The following FOLR2 variants were observed in gnomAD, a reference collection of about 807,000 sequenced individuals.
FOLR2 encodes the protein folate receptor 2 (fetal).
A neutral mutation model predicts 20.4 loss-of-function variants in FOLR2; 14 were observed. The ratio of observed to expected loss-of-function variants is 0.68; its 90% CI spans 0.45 to 1.07. The LOEUF (loss-of-function observed/expected upper bound fraction) is 1.07, where lower values mean the gene tolerates loss of function less well. Among genes scored for constraint, FOLR2 ranks in the 50% least tolerant of loss-of-function variants. The probability of loss-of-function intolerance (pLI) is 0.00; values close to 1 mark genes in which losing one functional copy is unlikely to be tolerated. For synonymous variants in FOLR2, 114 were observed against 114.3 expected, an observed-to-expected ratio of 1.00 and a Z score of 0.02; for missense variants, 269 against 322.6, an observed-to-expected ratio of 0.83 and a Z score of 1.27.
At chr11:72,220,833 A>T in intron 2 of FOLR2, 37 bp from the exon 3 acceptor site, 1 of 1,612,594 alleles carries the variant, frequency 6.2e-7, no homozygotes, top group Non-Finnish European at 8.5e-7. Flanking sequence ...GGAGGAGGGT[A>T]TGGGGAGGCA....
At chr11:72,221,431 G>T (rs1948491445) in intron 4 of FOLR2, 39 bp from the exon 5 acceptor site, 1 of 1,602,174 alleles carries the variant, frequency 6.2e-7, no homozygotes, top group Non-Finnish European at 8.5e-7. Flanking sequence ...TTTGGGCCCA[G>T]GGGCTGAAAG....
chr11:72,217,935 G>A (rs1276713215), intron 1 of FOLR2, among the ~76,000 whole-genome samples: 2 of 152,160 alleles, frequency 1.3e-5, no homozygotes, highest in Non-Finnish European at 2.9e-5. Flanking sequence ...AGCTGAGGAG[G>A]CTGGAAAGGA....
chr11:72,220,547 A>G (rs949811666), intron 2 of FOLR2, among the ~76,000 whole-genome samples: 4 of 152,244 alleles, frequency 2.6e-5, no homozygotes, highest in African/African-American at 9.6e-5. Context: ...ACTGGCATAA[A>G]GTAGGTGCTC....
chr11:72,219,852 T>C (rs1021381923), intron 2 of FOLR2, among the ~76,000 whole-genome samples: 1 of 151,030 alleles, frequency 6.6e-6, no homozygotes, highest in Non-Finnish European at 1.5e-5. Flanking sequence ...TTGCTTACTT[T>C]TTTTTTTTTT....
intron 2 of FOLR2, among the ~76,000 whole-genome samples, chr11:72,219,250 T>G (rs750124035): frequency 1.3e-5 from 2 of 152,194 alleles, no homozygotes; most frequent in Non-Finnish European, 2.9e-5. Context: ...GAGGCCCTTC[T>G]GGCTGTAATT....
chr11:72,219,032 A>G, intron 2 of FOLR2, among the ~76,000 whole-genome samples: 1 of 152,212 alleles, frequency 6.6e-6, no homozygotes, highest in East Asian at 1.9e-4. Context: ...TAGGTAGATG[A>G]TATTCTCCAC....
chr11:72,216,960 C>T, intron 1 of FOLR2, 35 bp downstream of exon 1: 1 of 1,597,206 alleles, frequency 6.3e-7, no homozygotes. Flanking sequence ...GTGACAAGGG[C>T]AGTGGGGAGA....
At chr11:72,219,156 T>C (rs1324753222) in intron 2 of FOLR2, among the ~76,000 whole-genome samples, 2 of 152,154 alleles carry the variant, frequency 1.3e-5, no homozygotes, top group East Asian at 3.8e-4. Flanking sequence ...GCTCCTCCTT[T>C]GGTGGGTGAC....
intron 2 of FOLR2, 95 bp from the exon 3 acceptor site, chr11:72,220,775 G>A (rs1948470789): frequency 6.6e-7 from 1 of 1,507,414 alleles, no homozygotes; most frequent in South Asian, 1.2e-5. Context: ...AACCTGCCTA[G>A]GGCAGAGGAG....
chr11:72,216,963 T>C, intron 1 of FOLR2, 38 bp downstream of exon 1: 1 of 1,593,924 alleles, frequency 6.3e-7, no homozygotes, highest in Non-Finnish European at 8.5e-7. Context: ...ACAAGGGCAG[T>C]GGGGAGACTT....
At chr11:72,218,507 A>G in intron 1 of FOLR2, 54 bp from the exon 2 acceptor site, 2 of 1,522,050 alleles carry the variant, frequency 1.3e-6, no homozygotes, top group East Asian at 2.4e-5. Flanking sequence ...CAGGAGGTGA[A>G]TGGGCTCCCA....
chr11:72,217,120 G>A (rs1196017792), intron 1 of FOLR2, among the ~76,000 whole-genome samples, 195 bp downstream of exon 1: 2 of 152,174 alleles, frequency 1.3e-5, no homozygotes, highest in Non-Finnish European at 1.5e-5. Context: ...TGCCTCCTGG[G>A]TTCAAGTGAT....
chr11:72,218,472 C>T, intron 1 of FOLR2, 89 bp from the exon 2 acceptor site: 1 of 1,199,998 alleles, frequency 8.3e-7, no homozygotes, highest in Non-Finnish European at 1.2e-6. Context: ...CCTCATTTGC[C>T]ACCGTAGGGT....
At chr11:72,221,416 T>C in intron 4 of FOLR2, 54 bp from the exon 5 acceptor site, 1 of 1,597,012 alleles carries the variant, frequency 6.3e-7, no homozygotes, top group Non-Finnish European at 8.6e-7. Context: ...TGGCCAGAAA[T>C]GAGCTTTGGG....
In FOLR2 at chr11:72,221,866, T is replaced by TAACCCTCTGTCACCC; in HGVS notation, c.*106_*120dup. 3 of 1,088,946 alleles carry TAACCCTCTGTCACCC rather than the reference T, an allele frequency of 2.8e-6. No individual in the cohort carries two copies. The highest frequency in any genetic ancestry group is 3.9e-6 in the Non-Finnish European group (3 of 761,572). 67.5% of individuals were successfully genotyped at this position (1,088,946 alleles called of 1,614,324 possible). On this transcript the variant is annotated 3_prime_UTR_variant, in exon 5 of 5. Transcript: ENST00000298223. ...CTTAAGCATGCTTCTATTAGTCACCTAACCCTCTGTCACCCAGTCTGTTGC... is the reference window on the plus strand; with the variant it reads ...CTTAAGCATGCTTCTATTAGTCACCTAACCCTCTGTCACCCAACCCTCTGTCACCCAGTCTGTTGC...
Position 72,216,842 on chromosome 11 carries a change from C to T in FOLR2, c.-108C>T. The T allele has an allele frequency of 3.7e-5, 59 of 1,581,596 alleles. No individual in the cohort carries two copies. Among genetic ancestry groups the T allele is most frequent in the Non-Finnish European group, 5.0e-5 (58 of 1,163,820 alleles). ...CGAAGACAGAGGCTGTGGGGACAGC[C>T]TAGGGGCCTGGATCTATTGCCTACT... On this transcript the variant is annotated 5_prime_UTR_variant, in exon 1 of 5. Transcript: ENST00000298223.
At chr11:72,218,819 G>A in intron 2 of FOLR2, 85 bp downstream of exon 2, 7 of 1,156,666 alleles carry the variant, frequency 6.1e-6, no homozygotes, top group Non-Finnish European at 8.8e-6. Flanking sequence ...GGGATTGAGG[G>A]GTCAGATACC....
Position 72,221,326 on chromosome 11 carries a change from G to T in FOLR2, c.475+15G>T. On this transcript the variant is annotated intron_variant, in intron 4 of 4. Coordinates refer to ENST00000298223, the MANE Select transcript of FOLR2 (RefSeq NM_000803.5). ...CTGGACCTCAGGTGAGGGTGATTGA[G>T]TTGGGGTTAGGAAAAAGGAGATTGA... is the stretch of plus-strand genomic sequence containing the variant. 3 of 1,611,552 alleles carry T rather than the reference G, an allele frequency of 1.9e-6. No individual in the cohort carries two copies. In the East Asian group the frequency reaches 6.7e-5, roughly 36 times the overall value.
At position 72,221,067 on chromosome 11, in the gene FOLR2, T is replaced by TCGGGGGCGGCCCCCCCCCCCCC; in HGVS notation, c.339+10_339+11insGGGGGCGGCCCCCCCCCCCCCC. Reference sequence around the variant, plus strand: ...GGCCCTGGATCCAGCAGGTAGGGTGTCTCCCCCCCACCCACCCCAGCAGAC... The same window carrying TCGGGGGCGGCCCCCCCCCCCCC: ...GGCCCTGGATCCAGCAGGTAGGGTGTCGGGGGCGGCCCCCCCCCCCCCCTCCCCCCCACCCACCCCAGCAGAC... On this transcript the variant is annotated intron_variant, in intron 3 of 4. Transcript: ENST00000298223. 1 of 1,570,120 alleles carries TCGGGGGCGGCCCCCCCCCCCCC rather than the reference T, an allele frequency of 6.4e-7. No homozygotes were observed. The highest frequency in any genetic ancestry group is 8.7e-7 in the Non-Finnish European group (1 of 1,154,916).
Sources: gnomAD v4.1 joint callset for allele counts (sites outside exome capture counted in the v4.1 genomes callset) on GRCh38, gnomAD v4.1.1 for gene constraint, MANE v1.5 for transcripts, NCBI Gene and HGNC (gene_info 2026-07-23, HGNC 2026-07-21) for gene names.